Variants in CA6 observed in about 807,000 individuals in gnomAD.
The protein encoded by CA6 is carbonic anhydrase 6, also known as carbonate dehydratase VI.
CA6 carries 28 observed loss-of-function variants against 35.9 expected under a neutral mutation model. That is an observed-to-expected ratio of 0.78 (90% CI 0.58 to 1.07). CA6 has a LOEUF of 1.07. Among genes scored for constraint, CA6 ranks in the 50% least tolerant of loss-of-function variants. The probability of loss-of-function intolerance (pLI) is 0.00; values close to 1 mark genes in which losing one functional copy is unlikely to be tolerated. For synonymous variants in CA6, 148 were observed against 152.6 expected, an observed-to-expected ratio of 0.97 and a Z score of 0.22; for missense variants, 377 against 382.0, an observed-to-expected ratio of 0.99 and a Z score of 0.11.
At chr1:8,966,341 C>T (rs889347095) in intron 5 of CA6, among the ~76,000 whole-genome samples, 4 of 152,030 alleles carry the variant, frequency 2.6e-5, no homozygotes, top group African/African-American at 9.7e-5. Context: ...AACTCCTGAC[C>T]TCAGGTGATC....
intron 2 of CA6, among the ~76,000 whole-genome samples, chr1:8,949,850 C>T (rs749123983): frequency 2.0e-5 from 3 of 152,092 alleles, no homozygotes; most frequent in Non-Finnish European, 4.4e-5. Context: ...CAGGTAGGAC[C>T]AGGGTTTCTC....
intron 4 of CA6, among the ~76,000 whole-genome samples, chr1:8,961,320 C>CT (rs1427045173): frequency 6.6e-6 from 1 of 152,108 alleles, no homozygotes; most frequent in Non-Finnish European, 1.5e-5. Flanking sequence ...GTGTTTTCTT[C>CT]TTTTAATTTC....
At chr1:8,965,337 AC>A (rs1639941757) in intron 5 of CA6, among the ~76,000 whole-genome samples, 1 of 151,986 alleles carries the variant, frequency 6.6e-6, no homozygotes, top group Non-Finnish European at 1.5e-5. Flanking sequence ...TGCAACCATC[AC>A]CCCGCTCCAT....
intron 2 of CA6, among the ~76,000 whole-genome samples, chr1:8,953,171 T>C (rs1045618980): frequency 2.0e-5 from 3 of 152,222 alleles, no homozygotes; most frequent in African/African-American, 7.2e-5. Context: ...CTTAGCAATA[T>C]GCATTTAAGT....
In CA6 at chr1:8,973,710, C is replaced by CTCTT. The variant is rs1173408031; in HGVS notation, c.845-838_845-835dup. Among the ~76,000 whole-genome samples, 778 of 106,366 alleles carry CTCTT rather than the reference C, an allele frequency of 7.3e-3. 29 individuals carry two copies. The highest frequency in any genetic ancestry group is 1.0e-2 in the Non-Finnish European group (521 of 52,302). 69.8% of individuals were successfully genotyped at this position (106,366 alleles called of 152,430 possible). ...CTCAGGCCTGGATTTTTCTTTCTCT[C>CTCTT]TCTTTCTTTCTTTCTTTCTTTCTTT... is the stretch of plus-strand genomic sequence containing the variant. On this transcript the variant is annotated intron_variant, in intron 7 of 7. Transcript: ENST00000377443.
chr1:8,949,430 A>C lies in CA6; in HGVS notation c.247A>C (p.Asn83His), dbSNP rs1639463567. 1 of 1,612,496 alleles carries C rather than the reference A, an allele frequency of 6.2e-7. No individual in the cohort carries two copies. Among genetic ancestry groups the C allele is most frequent in the Non-Finnish European group, 8.5e-7 (1 of 1,179,198 alleles). Residue 83 changes from asparagine (N) to histidine (H), a missense_variant, in exon 2 of 8, where the codon AAT becomes CAT. Coordinates refer to ENST00000377443, the MANE Select transcript of CA6 (RefSeq NM_001215.4). ...GGCAGGGGAGTTCCCCATGGTCAAC[A>C]ATGGCCACACAGGTAAGAGGAAGGG... The part of the protein sequence containing the change: ...TQAGEFPMVN[N>H]GHTVQISLPS...
At position 8,974,754 on chromosome 1, in the gene CA6, GC is replaced by G; in HGVS notation, c.*52del. The stretch of plus-strand genomic sequence containing the variant: ...ATTAACTAGCTTGAAGCCTGACCTA[GC>G]CAGAAGTGCCTGTCCGCTGCAGCCG... On this transcript the variant is annotated 3_prime_UTR_variant, in exon 8 of 8. Transcript: ENST00000377443. The G allele has an allele frequency of 9.8e-7, 1 of 1,016,766 alleles. No individual in the cohort carries two copies. The highest frequency in any genetic ancestry group is 1.4e-6 in the Non-Finnish European group (1 of 732,036). 63.0% of individuals were successfully genotyped at this position (1,016,766 alleles called of 1,614,324 possible).
At chr1:8,974,013 C>T (rs183803865) in intron 7 of CA6, among the ~76,000 whole-genome samples, 1 of 152,010 alleles carries the variant, frequency 6.6e-6, no homozygotes, top group Admixed American at 6.6e-5. Context: ...TTTGTAGAGA[C>T]GGGCTTTGGC....
At chr1:8,957,681 G>A (rs1489431365) in intron 3 of CA6, among the ~76,000 whole-genome samples, 6 of 151,350 alleles carry the variant, frequency 4.0e-5, no homozygotes, top group Non-Finnish European at 7.4e-5. Flanking sequence ...AGGTGCACTG[G>A]CTCACGCCTG....
chr1:8,960,325 C>T (rs1287459033), intron 4 of CA6, among the ~76,000 whole-genome samples: 1 of 150,734 alleles, frequency 6.6e-6, no homozygotes, highest in Non-Finnish European at 1.5e-5. Context: ...TAGAAACTGA[C>T]CTGAGTGGAC....
rs187318996 is a variant in CA6, at chr1:8,957,246, C to T, written c.369C>T (p.Gly123=). Reference sequence around the variant, plus strand: ...GAGGTGCGTCCTCGGAGATCAGCGGCTCTGAGCACACCGTGGACGGGATCA... The same window carrying T: ...GAGGTGCGTCCTCGGAGATCAGCGGTTCTGAGCACACCGTGGACGGGATCA... ...HWGGASSEIS[G]SEHTVDGIRH... The change falls in exon 3 of 8, where the codon GGC becomes GGT. Residue 123 remains glycine (G), a synonymous_variant. Coordinates refer to ENST00000377443, the MANE Select transcript of CA6 (RefSeq NM_001215.4). 30 of 1,614,146 alleles carry T rather than the reference C, an allele frequency of 1.9e-5. No homozygotes were observed. In the East Asian group the frequency reaches 6.7e-4, roughly 36 times the overall value.
intron 2 of CA6, among the ~76,000 whole-genome samples, chr1:8,953,640 TCAATCAATCAATC>T (rs1178045832): frequency 1.7e-5 from 1 of 58,948 alleles, no homozygotes; most frequent in African/African-American, 6.7e-5. Flanking sequence ...AATCAATCAG[TCAATCAATCAATC>T]AATCAATTCC....
chr1:8,954,456 C>T (rs920952250), intron 2 of CA6, among the ~76,000 whole-genome samples: 8 of 151,916 alleles, frequency 5.3e-5, no homozygotes, highest in South Asian at 2.1e-4. Context: ...TGAGGCACTG[C>T]GCCTGGCCTA....
chr1:8,946,654 C>T (rs1238013342), intron 1 of CA6, among the ~76,000 whole-genome samples: 1 of 152,014 alleles, frequency 6.6e-6, no homozygotes, highest in South Asian at 2.1e-4. Flanking sequence ...TTAGAAAAGA[C>T]TCTCGGTAAC....
At chr1:8,951,517 C>T in intron 2 of CA6, 1 of 765,204 alleles carries the variant, frequency 1.3e-6, no homozygotes, top group Non-Finnish European at 2.4e-6. Context: ...GTTCACCCTC[C>T]CTGGACAGCT....
chr1:8,955,663 C>T (rs1035115254), intron 2 of CA6, among the ~76,000 whole-genome samples: 2 of 152,120 alleles, frequency 1.3e-5, no homozygotes, highest in African/African-American at 4.8e-5. Flanking sequence ...AAGGCCCTTC[C>T]GTCCTTTTCT....
intron 7 of CA6, among the ~76,000 whole-genome samples, chr1:8,971,432 C>T (rs897582827): frequency 1.4e-4 from 22 of 151,780 alleles, no homozygotes; most frequent in Non-Finnish European, 2.9e-4. Context: ...CTGCCTCAAC[C>T]TCCCCAGTAG....
At chr1:8,971,178 G>C (rs1366354062) in intron 7 of CA6, among the ~76,000 whole-genome samples, 197 bp downstream of exon 7, 1 of 152,112 alleles carries the variant, frequency 6.6e-6, no homozygotes, top group African/African-American at 2.4e-5. Context: ...ATGCCAGTGA[G>C]TAGAACACAC....
At chr1:8,947,130 T>C (rs1189580028) in intron 1 of CA6, among the ~76,000 whole-genome samples, 1 of 151,940 alleles carries the variant, frequency 6.6e-6, no homozygotes, top group Admixed American at 6.6e-5. Flanking sequence ...AAATGTGAAA[T>C]GTAAAATCCT....
Sources: allele counts gnomAD v4.1 joint callset (sites outside exome capture counted in the v4.1 genomes callset), GRCh38; gene constraint gnomAD v4.1.1; transcripts MANE v1.5; gene names NCBI Gene and HGNC (gene_info 2026-07-23, HGNC 2026-07-21).